RIMS1: variants seen among roughly 807,000 people sequenced by gnomAD.
RIMS1 encodes the protein regulating synaptic membrane exocytosis 1.
A neutral mutation model predicts 214.1 loss-of-function variants in RIMS1; 83 were observed. The ratio of observed to expected loss-of-function variants is 0.39; its 90% CI spans 0.32 to 0.47. The LOEUF (loss-of-function observed/expected upper bound fraction) is 0.47. Ranked by LOEUF, RIMS1 falls within the 20% of genes least tolerant of loss-of-function variation. RIMS1 has a pLI of 0.99. For missense variants in RIMS1, 2,050 were observed against 2,161.8 expected (o/e 0.95, Z 1.03); for synonymous variants, 793 against 786.8 (o/e 1.01, Z -0.13).
intron 2 of RIMS1, among the ~76,000 whole-genome samples, chr6:71,970,335 C>T (rs1795548460): frequency 6.6e-6 from 1 of 152,032 alleles, no homozygotes; most frequent in African/African-American, 2.4e-5. Context: ...TTGGATAATT[C>T]ATAGAAAACT....
chr6:72,370,400 G>A (rs996747510), intron 29 of RIMS1, among the ~76,000 whole-genome samples: 4 of 152,128 alleles, frequency 2.6e-5, no homozygotes, highest in Non-Finnish European at 5.9e-5. Flanking sequence ...AGTCATGAAT[G>A]CCCTTTGCCT....
chr6:72,260,942 A>G (rs2077701880), intron 19 of RIMS1, 175 bp downstream of exon 19: 1 of 1,430,700 alleles, frequency 7.0e-7, no homozygotes, highest in South Asian at 1.4e-5. Flanking sequence ...AATATATTTC[A>G]GTTCCGATTC....
intron 1 of RIMS1, among the ~76,000 whole-genome samples, chr6:71,930,432 T>C (rs191058401): frequency 6.6e-5 from 10 of 152,134 alleles, no homozygotes; most frequent in Admixed American, 2.6e-4. Context: ...GTCTTTCAGA[T>C]TTTAGAAGGT....
intron 3 of RIMS1, among the ~76,000 whole-genome samples, 168 bp from the exon 4 acceptor site, chr6:72,099,807 A>AT (rs904093351): frequency 1.3e-5 from 2 of 152,086 alleles, no homozygotes; most frequent in African/African-American, 4.8e-5. Context: ...AACAATTACT[A>AT]TTTTTTAGGA....
chr6:71,908,648 C>T (rs974616377), intron 1 of RIMS1, among the ~76,000 whole-genome samples: 1 of 152,204 alleles, frequency 6.6e-6, no homozygotes, highest in Non-Finnish European at 1.5e-5. Flanking sequence ...GCAGAAAGCA[C>T]ATTTAGAAAG....
intron 2 of RIMS1, among the ~76,000 whole-genome samples, chr6:72,073,402 A>T (rs904252677): frequency 2.0e-5 from 3 of 152,218 alleles, no homozygotes; most frequent in African/African-American, 7.2e-5. Flanking sequence ...TTGCTAGCAG[A>T]ATAAAGAGAA....
rs2096637325 is a variant in RIMS1 at position 72,330,961 on chromosome 6, CT to C, written c.4131-2638del. Among the ~76,000 whole-genome samples the C allele has an allele frequency of 2.0e-5, 3 of 151,360 alleles. No individual in the cohort carries two copies. In the South Asian group the frequency reaches 6.2e-4, roughly 31 times the overall value. On this transcript the variant is annotated intron_variant, in intron 28 of 33. Coordinates refer to ENST00000521978, the MANE Select transcript of RIMS1 (RefSeq NM_014989.7). ...ACATATATTTTTTGAGAAAAAAAAA[CT>C]CATATTTTATTCAGCCAATCATTTT...
chr6:72,095,254 C>T (rs1436817729), intron 2 of RIMS1, among the ~76,000 whole-genome samples: 3 of 151,858 alleles, frequency 2.0e-5, no homozygotes, highest in African/African-American at 4.8e-5. Flanking sequence ...TGAGCCACCG[C>T]GCCCAGCCCT....
chr6:72,330,964 A>G (rs1013201646), intron 28 of RIMS1, among the ~76,000 whole-genome samples: 1 of 151,732 alleles, frequency 6.6e-6, no homozygotes, highest in African/African-American at 2.4e-5. Context: ...AAAAAAACTC[A>G]TATTTTATTC....
intron 29 of RIMS1, among the ~76,000 whole-genome samples, chr6:72,382,550 C>A (rs12202544): frequency 0.17 from 25,769 of 151,994 alleles, 2,688 homozygotes; most frequent in Non-Finnish European, 0.23. Flanking sequence ...ATAAGGAAGA[C>A]CAGGACCTTG....
intron 1 of RIMS1, among the ~76,000 whole-genome samples, chr6:71,912,723 A>T (rs1777288860): frequency 6.6e-6 from 1 of 152,134 alleles, no homozygotes; most frequent in African/African-American, 2.4e-5. Flanking sequence ...ATTTAATTGA[A>T]CAAATATTTA....
chr6:72,313,381 A>AT (rs1390185767), intron 27 of RIMS1, 125 bp from the exon 28 acceptor site: 4 of 711,750 alleles, frequency 5.6e-6, no homozygotes, highest in Non-Finnish European at 9.2e-6. Context: ...TATTTTAGAT[A>AT]TTACAGCTAC....
intron 9 of RIMS1, among the ~76,000 whole-genome samples, chr6:72,238,547 G>A (rs1248859798): frequency 2.0e-5 from 3 of 152,054 alleles, no homozygotes; most frequent in Non-Finnish European, 2.9e-5. Context: ...ATATGTAAAT[G>A]TATCATATAT....
chr6:72,144,886 T>C (rs1400489144), intron 4 of RIMS1, among the ~76,000 whole-genome samples: 8 of 151,556 alleles, frequency 5.3e-5, no homozygotes, highest in Non-Finnish European at 1.2e-4. Flanking sequence ...TTCTTTCTTT[T>C]TTCTTTTTTT....
rs144146052 is a variant in RIMS1 at position 72,271,004 on chromosome 6, A to T, written c.3399-3345A>T. ...AGTAGAAGTACTGCCGTGGTGGCTC[A>T]TGCCTGTAATCCCAGCACTTTGGGA... On this transcript the variant is annotated intron_variant, in intron 22 of 33. Transcript: ENST00000521978. Among the ~76,000 whole-genome samples, 634 of 152,258 alleles carry T rather than the reference A, an allele frequency of 4.2e-3. 9 individuals are homozygous for T. Among genetic ancestry groups the T allele is most frequent in the African/African-American group, 0.015 (609 of 41,560 alleles).
At chr6:72,389,324 T>C (rs1441308080) in intron 29 of RIMS1, among the ~76,000 whole-genome samples, 1 of 152,202 alleles carries the variant, frequency 6.6e-6, no homozygotes. Context: ...CATTTAAATA[T>C]TTTGTAATAT....
At chr6:72,147,001 C>G (rs187616503) in intron 4 of RIMS1, among the ~76,000 whole-genome samples, 6 of 152,264 alleles carry the variant, frequency 3.9e-5, no homozygotes, top group Admixed American at 3.3e-4. Flanking sequence ...GTAAAGCAGG[C>G]AAGTCAAACG....
intron 1 of RIMS1, among the ~76,000 whole-genome samples, chr6:71,966,777 C>T (rs1348375645): frequency 6.6e-6 from 1 of 152,220 alleles, no homozygotes; most frequent in Non-Finnish European, 1.5e-5. Context: ...CTGGCCTCAG[C>T]CTTCCGAAGT....
chr6:72,322,055 T>G (rs1161085296), intron 28 of RIMS1, among the ~76,000 whole-genome samples: 1 of 152,132 alleles, frequency 6.6e-6, no homozygotes, highest in East Asian at 1.9e-4. Context: ...ATTTTCAAAT[T>G]CAGTGAAATC....
Sources: gnomAD v4.1 joint callset for allele counts (sites outside exome capture counted in the v4.1 genomes callset) on GRCh38, gnomAD v4.1.1 for gene constraint, MANE v1.5 for transcripts, NCBI Gene and HGNC (gene_info 2026-07-23, HGNC 2026-07-21) for gene names.